Variants in TFB2M observed in about 807,000 individuals in gnomAD.
TFB2M encodes dimethyladenosine transferase 2, mitochondrial.
Under a neutral mutation model 41.3 loss-of-function variants are expected in TFB2M, and 44 were observed. That is an observed-to-expected ratio of 1.07 (90% CI 0.84 to 1.37). The LOEUF (loss-of-function observed/expected upper bound fraction) is 1.37. Ranked by LOEUF, TFB2M falls within the 40% of genes most tolerant of loss-of-function variation. The pLI, the probability that TFB2M is intolerant of heterozygous loss-of-function variation, is 0.00. For missense variants in TFB2M, 496 were observed against 490.2 expected, an observed-to-expected ratio of 1.01 and a Z score of -0.11; for synonymous variants, 188 against 176.8, an observed-to-expected ratio of 1.06 and a Z score of -0.50.
intron 3 of TFB2M, 67 bp from the exon 4 acceptor site, chr1:246,556,788 T>A: frequency 1.5e-6 from 2 of 1,323,212 alleles, no homozygotes; most frequent in Non-Finnish European, 2.0e-6. Context: ...TCCATATTTT[T>A]TTGAGACAAA....
chr1:246,546,321 A>G (rs1558509318), intron 6 of TFB2M, among the ~76,000 whole-genome samples: 1 of 150,808 alleles, frequency 6.6e-6, no homozygotes, highest in East Asian at 2.0e-4. Context: ...TTAAAAAAAG[A>G]AAAAAAAATA....
intron 3 of TFB2M, among the ~76,000 whole-genome samples, chr1:246,556,937 G>C (rs1378949588): frequency 6.6e-6 from 1 of 152,114 alleles, no homozygotes; most frequent in Non-Finnish European, 1.5e-5. Flanking sequence ...CATATTCAGA[G>C]TCAGAGCATC....
At position 246,551,278 on chromosome 1, in the gene TFB2M, G is replaced by T; in HGVS notation, c.730C>A (p.Pro244Thr). Residue 244 changes from proline (P) to threonine (T), a missense_variant, in exon 5 of 8, where the codon CCA (proline) becomes ACA (threonine). Pro to Thr is a conservative substitution (Grantham distance 38). Coordinates refer to ENST00000366514, the MANE Select transcript of TFB2M (RefSeq NM_022366.3). ...ACACTTAATACATGATACAAGTCTG[G>T]ATTTCCGGGATCTGCCATTAGTTTC... Reference protein sequence around the residue: ...FQKLMADPGNPDLYHVLSVIW... With the variant: ...FQKLMADPGNTDLYHVLSVIW... The T allele has an allele frequency of 6.2e-7, 1 of 1,613,180 alleles. No individual in the cohort carries two copies. Among genetic ancestry groups the T allele is most frequent in the Non-Finnish European group, 8.5e-7 (1 of 1,179,180 alleles).
rs368767565 is a variant in TFB2M at position 246,551,220 on chromosome 1, A to C, written c.788T>G (p.Leu263Arg). 1.2e-6 allele frequency: 2 copies of C among 1,613,362 alleles called. No homozygotes were observed. The highest frequency in any genetic ancestry group is 1.7e-6 in the Non-Finnish European group (2 of 1,179,332). The change falls in exon 5 of 8, where the codon CTG becomes CGG. Residue 263 changes from leucine to arginine, a missense_variant. Physicochemically the swap from Leu to Arg is moderately radical, Grantham distance 102 (BLOSUM62 -2). Coordinates refer to ENST00000366514, the MANE Select transcript of TFB2M (RefSeq NM_022366.3). ...IWQLACEIKV[L>R]HMEPWSSFDI... ...CAGAAGGATTTTACTCACCATGTGC[A>C]GAACCTTAATCTCACAAGCTAATTG...
intron 6 of TFB2M, among the ~76,000 whole-genome samples, chr1:246,544,906 T>C (rs34359087): frequency 0.16 from 131 of 800 alleles, 1 homozygote; most frequent in East Asian, 0.43. Context: ...CCCGGGTTCA[T>C]GCCATTCTCC....
chr1:246,555,287 C>T (rs1659291016), intron 4 of TFB2M, among the ~76,000 whole-genome samples: 1 of 152,076 alleles, frequency 6.6e-6, no homozygotes, highest in Non-Finnish European at 1.5e-5. Context: ...TATGGCAGTT[C>T]CTCAAAAAAC....
chr1:246,545,429 G>A (rs1392801622), intron 6 of TFB2M, among the ~76,000 whole-genome samples: 1 of 151,930 alleles, frequency 6.6e-6, no homozygotes, highest in East Asian at 2.0e-4. Flanking sequence ...GGAGGCTGAG[G>A]TGGGAGGATG....
rs1387321106 is a variant in TFB2M at position 246,566,200 on chromosome 1, G to A, written c.-62C>T. ...GTGCAGCTACTACAGTGAACCCCAC[G>A]CAGGGTATCCCACGTGGAACATTTT... On this transcript the variant is annotated 5_prime_UTR_variant, in exon 1 of 8. Coordinates refer to ENST00000366514, the MANE Select transcript of TFB2M (RefSeq NM_022366.3). 5 of 1,522,070 alleles carry A rather than the reference G, an allele frequency of 3.3e-6. No individual in the cohort carries two copies. In the Admixed American group the frequency reaches 5.8e-5, roughly 18 times the overall value. 94.3% of individuals were successfully genotyped at this position (1,522,070 alleles called of 1,614,324 possible).
chr1:246,566,157 C>G lies in TFB2M; in HGVS notation c.-19G>C, dbSNP rs1202494603. The G allele has an allele frequency of 3.8e-6, 6 of 1,594,698 alleles. No individual in the cohort carries two copies. Among genetic ancestry groups the G allele is most frequent in the Non-Finnish European group, 5.1e-6 (6 of 1,166,708 alleles). On this transcript the variant is annotated 5_prime_UTR_variant, in exon 1 of 8. Coordinates refer to ENST00000366514, the MANE Select transcript of TFB2M (RefSeq NM_022366.3). Reference sequence around the variant, plus strand: ...TCCACATGTCCTTGTCTCTCAGGCCCGCTCCAAGAATCACCTAGTGCAGCT... The same window carrying G: ...TCCACATGTCCTTGTCTCTCAGGCCGGCTCCAAGAATCACCTAGTGCAGCT...
intron 7 of TFB2M, among the ~76,000 whole-genome samples, chr1:246,543,088 GCCT>G (rs756551274): frequency 5.4e-5 from 8 of 148,480 alleles, no homozygotes; most frequent in African/African-American, 1.7e-4. Flanking sequence ...CCAATCCCCG[GCCT>G]CCTCAAGTGA....
rs1300710336 is a variant in TFB2M, at chr1:246,540,644, C to G, written c.*387G>C. On this transcript the variant is annotated 3_prime_UTR_variant, in exon 8 of 8. Transcript: ENST00000366514. ...TTTCATTGTACAGTACTTGACAATA[C>G]ATTTCAACAAACTGAAAGGCAAACC... 1 of 164,698 alleles carries G rather than the reference C, an allele frequency of 6.1e-6. No individual in the cohort carries two copies. The highest frequency in any genetic ancestry group is 1.8e-4 in the East Asian group (1 of 5,686). The allele number at this position is 164,698 out of a possible 1,614,324, so 10.2% of individuals were successfully genotyped here.
chr1:246,564,681 CT>C (rs552531866), intron 1 of TFB2M, among the ~76,000 whole-genome samples: 422 of 141,054 alleles, frequency 3.0e-3, no homozygotes, highest in Middle Eastern at 7.2e-3. Context: ...AACCTGCACT[CT>C]TTTTTTTTTT....
At chr1:246,548,482 AAAAAT>A in intron 6 of TFB2M, 58 bp downstream of exon 6, 8 of 1,486,830 alleles carry the variant, frequency 5.4e-6, no homozygotes, top group East Asian at 2.3e-5. Flanking sequence ...ATAGTCCTAA[AAAAAT>A]AAAATAAAAA....
At chr1:246,562,029 A>G (rs892535810) in intron 2 of TFB2M, among the ~76,000 whole-genome samples, 1 of 152,082 alleles carries the variant, frequency 6.6e-6, no homozygotes, top group African/African-American at 2.4e-5. Flanking sequence ...TTTTCTTCAC[A>G]TTTTTGGAAC....
At chr1:246,544,709 T>C (rs767768660) in intron 6 of TFB2M, 28 bp from the exon 7 acceptor site, 3 of 1,568,800 alleles carry the variant, frequency 1.9e-6, no homozygotes, top group Non-Finnish European at 2.6e-6. Flanking sequence ...TGAATTGCAT[T>C]AGTCACAAAA....
chr1:246,544,606 AGTTC>A lies in TFB2M; in HGVS notation c.930_933del (p.Lys310AsnfsTer2). On this transcript the variant is annotated frameshift_variant, in exon 7 of 8. Transcript: ENST00000366514. LOFTEE classifies it high-confidence loss of function. The stretch of plus-strand genomic sequence containing the variant: ...AATATATTATAGTTCATAGGTGTTA[AGTTC>A]TTGGTAAATAAATTTTGACGAGGAA... 6.2e-7 allele frequency: 1 copy of A among 1,610,728 alleles called. No individual in the cohort carries two copies. Among genetic ancestry groups the A allele is most frequent in the Non-Finnish European group, 8.5e-7 (1 of 1,179,174 alleles).
intron 7 of TFB2M, among the ~76,000 whole-genome samples, chr1:246,542,483 G>A (rs1375078124): frequency 6.6e-6 from 1 of 152,016 alleles, no homozygotes; most frequent in African/African-American, 2.4e-5. Context: ...ACTATCCTGA[G>A]CAACATAGTG....
chr1:246,561,544 T>A (rs1659455142), intron 2 of TFB2M, among the ~76,000 whole-genome samples: 1 of 152,222 alleles, frequency 6.6e-6, no homozygotes, highest in East Asian at 1.9e-4. Flanking sequence ...CTCGGCTCAC[T>A]GCAACCTCCA....
In TFB2M at chr1:246,548,567, G is replaced by A. The variant is rs373807670; in HGVS notation, c.836C>T (p.Pro279Leu). ...SSFDIYTRKG[P>L]LENPKRRELL... ...TACCCTACGCTTTGGGTTTTCCAGC[G>A]GCCCTTTCCGGGTGTATATATCAAA... Residue 279 changes from proline (P) to leucine (L), a missense_variant, in exon 6 of 8, where the codon CCG becomes CTG. Coordinates refer to ENST00000366514, the MANE Select transcript of TFB2M (RefSeq NM_022366.3). 2.7e-5 allele frequency: 44 copies of A among 1,613,162 alleles called. No homozygotes were observed. Among genetic ancestry groups the A allele is most frequent in the African/African-American group, 1.3e-4 (10 of 74,868 alleles).
Sources: gnomAD v4.1 joint callset for allele counts (sites outside exome capture counted in the v4.1 genomes callset) on GRCh38, gnomAD v4.1.1 for gene constraint, MANE v1.5 for transcripts, NCBI Gene and HGNC (gene_info 2026-07-23, HGNC 2026-07-21) for gene names.